RGS7: variants seen among roughly 807,000 people sequenced by gnomAD.
The protein encoded by RGS7 is regulator of G-protein signaling 7.
Under a neutral mutation model 81.1 loss-of-function variants are expected in RGS7, and 27 were observed. That is an observed-to-expected ratio of 0.33 (90% CI 0.25 to 0.46). The LOEUF (loss-of-function observed/expected upper bound fraction) is 0.46. Among genes scored for constraint, RGS7 ranks in the 20% least tolerant of loss-of-function variants. The pLI is 1.00. For synonymous variants in RGS7, 208 were observed against 207.7 expected, an observed-to-expected ratio of 1.00 and a Z score of -0.01; for missense variants, 396 against 607.4, an observed-to-expected ratio of 0.65 and a Z score of 3.66.
chr1:240,993,192 A>G (rs1328167036), intron 3 of RGS7, among the ~76,000 whole-genome samples: 6 of 150,790 alleles, frequency 4.0e-5, no homozygotes, highest in Non-Finnish European at 5.9e-5. Context: ...AAAGAAAGAA[A>G]GAGGAAAGAA....
intron 2 of RGS7, among the ~76,000 whole-genome samples, chr1:241,273,175 A>C (rs1468601045): frequency 4.8e-3 from 507 of 104,882 alleles, no homozygotes; most frequent in South Asian, 0.014. Flanking sequence ...ATAATAATGA[A>C]CCCCCCCCCC....
chr1:241,084,978 G>T (rs575481286), intron 3 of RGS7, among the ~76,000 whole-genome samples: 1 of 152,262 alleles, frequency 6.6e-6, no homozygotes, highest in East Asian at 1.9e-4. Context: ...ATTTAATAGG[G>T]GCCTTTTTAT....
chr1:240,851,801 A>C (rs778996516), intron 9 of RGS7, among the ~76,000 whole-genome samples: 5 of 152,198 alleles, frequency 3.3e-5, no homozygotes, highest in African/African-American at 4.8e-5. Flanking sequence ...GATGTGGTGG[A>C]AATAGCGAGA....
At chr1:241,158,061 C>T (rs1013448173) in intron 2 of RGS7, among the ~76,000 whole-genome samples, 4 of 151,760 alleles carry the variant, frequency 2.6e-5, no homozygotes, top group Non-Finnish European at 4.4e-5. Flanking sequence ...CCTTATGATC[C>T]GCCCGCCTCA....
At chr1:241,091,786 C>G (rs2063902901) in intron 3 of RGS7, among the ~76,000 whole-genome samples, 1 of 151,828 alleles carries the variant, frequency 6.6e-6, no homozygotes, top group South Asian at 2.1e-4. Flanking sequence ...ACTTGGGAGG[C>G]TAAGGCAGGA....
intron 6 of RGS7, among the ~76,000 whole-genome samples, chr1:240,894,355 T>G (rs1192916836): frequency 6.6e-6 from 1 of 152,314 alleles, no homozygotes; most frequent in South Asian, 2.1e-4. Flanking sequence ...TTCTAAAAAC[T>G]ACCTCAACTA....
In RGS7 at chr1:241,144,045, A is replaced by G. The variant is rs2103096074; in HGVS notation, c.79-45283T>C. ...CATTTCTATTGTGTATAAGCCACTC[A>G]GCCCATGATATTTTCTTATAGCCGC... On this transcript the variant is annotated intron_variant, in intron 2 of 18. Coordinates refer to ENST00000440928, the MANE Select transcript of RGS7 (RefSeq NM_001364886.1). This position sits in a 1 kb window ranked among gnomAD's most constrained non-coding sequence, Gnocchi z 4.7. Among the ~76,000 whole-genome samples the G allele has an allele frequency of 6.6e-6, 1 of 152,280 alleles. No individual in the cohort carries two copies. Among genetic ancestry groups the G allele is most frequent in the South Asian group, 2.1e-4 (1 of 4,824 alleles).
chr1:241,268,840 C>G (rs1051003199), intron 2 of RGS7, among the ~76,000 whole-genome samples: 8 of 152,256 alleles, frequency 5.3e-5, no homozygotes, highest in Middle Eastern at 3.4e-3. Context: ...GTGTGGACAC[C>G]TCTAGCCCAC....
intron 2 of RGS7, among the ~76,000 whole-genome samples, chr1:241,327,103 AAAG>A (rs1558321212): frequency 4.9e-5 from 5 of 102,884 alleles, no homozygotes; most frequent in African/African-American, 1.4e-4. Context: ...AGAAAGAAAG[AAAG>A]AAAGAAAGAA....
At chr1:241,240,049 CA>C (rs2076190533) in intron 2 of RGS7, among the ~76,000 whole-genome samples, 1 of 152,060 alleles carries the variant, frequency 6.6e-6, no homozygotes, top group African/African-American at 2.4e-5. Flanking sequence ...GTCAGTGTCC[CA>C]GGGGTCCAGG....
chr1:241,330,699 C>CT (rs1391740138), intron 2 of RGS7, among the ~76,000 whole-genome samples: 1 of 152,202 alleles, frequency 6.6e-6, no homozygotes, highest in Non-Finnish European at 1.5e-5. Context: ...CTCTTCCACC[C>CT]TAGAATCTAA....
At chr1:241,122,293 G>A (rs1056069547) in intron 2 of RGS7, among the ~76,000 whole-genome samples, 1 of 152,126 alleles carries the variant, frequency 6.6e-6, no homozygotes, top group Non-Finnish European at 1.5e-5. Context: ...TGCCTAGTGT[G>A]TACCACAGAT....
At chr1:241,169,215 A>G (rs2070520708) in intron 2 of RGS7, among the ~76,000 whole-genome samples, 1 of 151,012 alleles carries the variant, frequency 6.6e-6, no homozygotes, top group Non-Finnish European at 1.5e-5. Context: ...AATGTAGAAA[A>G]TGATATACAT....
At chr1:241,229,592 G>A (rs1257272710) in intron 2 of RGS7, among the ~76,000 whole-genome samples, 1 of 152,166 alleles carries the variant, frequency 6.6e-6, no homozygotes, top group African/African-American at 2.4e-5. Flanking sequence ...GACAGAAATG[G>A]GGTTATACCA....
At chr1:240,900,321 G>C (rs933616515) in intron 6 of RGS7, among the ~76,000 whole-genome samples, 1 of 152,148 alleles carries the variant, frequency 6.6e-6, no homozygotes, top group Non-Finnish European at 1.5e-5. Flanking sequence ...ATCCAGCTTT[G>C]TTCCGTTGCT....
chr1:240,962,834 T>A lies in RGS7; in HGVS notation c.226+20245A>T, dbSNP rs75418524. Reference sequence around the variant, plus strand: ...TGTCATTTGAGAAACCACTATCAGTTGGGTGGCTTGAAGACACAGCATGGG... The same window carrying A: ...TGTCATTTGAGAAACCACTATCAGTAGGGTGGCTTGAAGACACAGCATGGG... On this transcript the variant is annotated intron_variant, in intron 4 of 18. Transcript: ENST00000440928. Among the ~76,000 whole-genome samples, 649 of 152,290 alleles carry A rather than the reference T, an allele frequency of 4.3e-3. 5 individuals carry two copies. The highest frequency in any genetic ancestry group is 4.5e-3 in the Non-Finnish European group (308 of 68,034).
At chr1:240,903,018 T>TATTTTATA (rs1553342432) in intron 6 of RGS7, among the ~76,000 whole-genome samples, 1 of 152,222 alleles carries the variant, frequency 6.6e-6, no homozygotes, top group African/African-American at 2.4e-5. Context: ...GAATAAAAAT[T>TATTTTATA]ACTTTTATAA....
At chr1:240,834,401 T>C (rs377331846) in intron 9 of RGS7, among the ~76,000 whole-genome samples, 1 of 152,202 alleles carries the variant, frequency 6.6e-6, no homozygotes, top group Admixed American at 6.5e-5. Context: ...AACAGAATCA[T>C]ACGAAGTCAG....
At chr1:241,154,600 C>T (rs934792356) in intron 2 of RGS7, among the ~76,000 whole-genome samples, 1 of 152,144 alleles carries the variant, frequency 6.6e-6, no homozygotes, top group Non-Finnish European at 1.5e-5. Flanking sequence ...GGTGTCTCCC[C>T]GAATGTCGGG....
Sources: allele counts gnomAD v4.1 joint callset (sites outside exome capture counted in the v4.1 genomes callset), GRCh38; gene constraint gnomAD v4.1.1; non-coding constraint Gnocchi (gnomAD v3.1); transcripts MANE v1.5; gene names NCBI Gene and HGNC (gene_info 2026-07-23, HGNC 2026-07-21).